The following TIAM1 variants were observed in gnomAD, a reference collection of about 807,000 sequenced individuals.
The protein encoded by TIAM1 is TIAM Rac1 associated GEF 1.
Under a neutral mutation model 163.5 loss-of-function variants are expected in TIAM1, and 65 were observed. The ratio of observed to expected loss-of-function variants is 0.40; its 90% CI spans 0.33 to 0.49. The LOEUF is 0.49. TIAM1 is among the 20% of genes least tolerant of loss of function. The probability of loss-of-function intolerance (pLI) is 0.77; values close to 1 mark genes in which losing one functional copy is unlikely to be tolerated. For missense variants in TIAM1, 1,789 were observed against 2,044.7 expected, an observed-to-expected ratio of 0.87 and a Z score of 2.41; for synonymous variants, 833 against 810.1, an observed-to-expected ratio of 1.03 and a Z score of -0.48.
rs199642595 is a variant in TIAM1, at chr21:31,380,566, TA to T, written c.-368-41145del. 9.7e-3 allele frequency among the ~76,000 whole-genome samples: 1,473 copies of T among 151,896 alleles called. 18 individuals carry two copies. The highest frequency in any genetic ancestry group is 0.034 in the African/African-American group (1,398 of 41,422). On this transcript the variant is annotated intron_variant, in intron 2 of 28. Coordinates refer to the TIAM1 transcript ENST00000286827. ...CTCAAAAAAATAAAGTAATATAATA[TA>T]AAGTAAAGTAAATATAAAAATAAAA...
At chr21:31,218,394 C>G (rs538102191) in intron 8 of TIAM1, among the ~76,000 whole-genome samples, 2 of 152,082 alleles carry the variant, frequency 1.3e-5, no homozygotes, top group African/African-American at 4.8e-5. Context: ...ATGGTGAAAC[C>G]CTGTCTTAAC....
intron 15 of TIAM1, among the ~76,000 whole-genome samples, chr21:31,166,223 T>C (rs765407283): frequency 3.3e-5 from 5 of 152,146 alleles, no homozygotes; most frequent in Non-Finnish European, 5.9e-5. Flanking sequence ...CCTTCTCTAA[T>C]TGAATCTGAG....
intron 1 of TIAM1, among the ~76,000 whole-genome samples, chr21:31,502,584 G>GA (rs1488501695): frequency 6.6e-6 from 1 of 152,108 alleles, no homozygotes; most frequent in African/African-American, 2.4e-5. Context: ...TTTCAGCTAG[G>GA]AAAAAAAGGA....
intron 9 of TIAM1, among the ~76,000 whole-genome samples, chr21:31,217,073 G>A (rs1426493186): frequency 6.6e-6 from 1 of 152,096 alleles, no homozygotes; most frequent in Admixed American, 6.5e-5. Context: ...CAGGCATGGT[G>A]GTGGGCACCT....
intron 2 of TIAM1, among the ~76,000 whole-genome samples, chr21:31,435,124 A>C (rs562922229): frequency 3.3e-5 from 5 of 152,284 alleles, no homozygotes; most frequent in Admixed American, 1.3e-4. Flanking sequence ...GCCACTGGCC[A>C]CACCACCCCT....
At chr21:31,135,655 A>C (rs921914820) in intron 23 of TIAM1, among the ~76,000 whole-genome samples, 2 of 152,042 alleles carry the variant, frequency 1.3e-5, no homozygotes, top group Admixed American at 1.3e-4. Context: ...GCAGCCAAAA[A>C]AAAAAAAATT....
chr21:31,267,832 C>T (rs543679176), intron 3 of TIAM1, among the ~76,000 whole-genome samples: 9 of 152,286 alleles, frequency 5.9e-5, no homozygotes, highest in African/African-American at 1.7e-4. Context: ...TAATCTGGTA[C>T]AGCATGCCCT....
rs200137644 is a variant in TIAM1 at position 31,423,700 on chromosome 21, T to TAAAAA, written c.-369+40278_-369+40282dup. 1.9e-3 allele frequency among the ~76,000 whole-genome samples: 92 copies of TAAAAA among 48,224 alleles called. 2 individuals are homozygous for TAAAAA. The highest frequency in any genetic ancestry group is 5.5e-3 in the African/African-American group (66 of 12,072). The allele number at this position is 48,224 out of a possible 152,430, so 31.6% of individuals were successfully genotyped here. ...GATCATTTGGCATCCTAGAAAGTTG[T>TAAAAA]AAAAAAAAAAAAAAAAAAAAAAAAA... On this transcript the variant is annotated intron_variant, in intron 2 of 28. Transcript: ENST00000286827.
At chr21:31,192,042 T>C (rs2085586927) in intron 13 of TIAM1, among the ~76,000 whole-genome samples, 1 of 152,194 alleles carries the variant, frequency 6.6e-6, no homozygotes, top group Non-Finnish European at 1.5e-5. Context: ...ATTACTGAGG[T>C]CGGCTTTTTG....
chr21:31,376,961 C>T (rs2076697341), intron 2 of TIAM1, among the ~76,000 whole-genome samples: 1 of 151,416 alleles, frequency 6.6e-6, no homozygotes, highest in Admixed American at 6.6e-5. Context: ...CGGGTTCAAG[C>T]AATTCTCCTG....
Position 31,409,375 on chromosome 21 carries a change from C to T in TIAM1, c.-369+54608G>A, listed in dbSNP as rs144165125. ...CACCCGCCTCGGCCTCCCAAAGTGT[C>T]GGGATTACAGGCGTGAGCCACCACA... On this transcript the variant is annotated intron_variant, in intron 2 of 28. Transcript: ENST00000286827. 5.0e-3 allele frequency among the ~76,000 whole-genome samples: 765 copies of T among 152,082 alleles called. 7 individuals are homozygous for T. The highest frequency in any genetic ancestry group is 0.017 in the African/African-American group (722 of 41,474).
intron 6 of TIAM1, among the ~76,000 whole-genome samples, chr21:31,244,435 G>A (rs896590579): frequency 2.0e-5 from 3 of 152,148 alleles, no homozygotes; most frequent in Admixed American, 6.5e-5. Flanking sequence ...TTAAGAAGAC[G>A]AACTGTCAGC....
chr21:31,265,898 G>T, intron 4 of TIAM1, 112 bp downstream of exon 4: 1 of 1,428,242 alleles, frequency 7.0e-7, no homozygotes. Context: ...CAACTACCAG[G>T]CAAACAGGGT....
intron 2 of TIAM1, among the ~76,000 whole-genome samples, chr21:31,313,238 G>A (rs1488749643): frequency 6.6e-6 from 1 of 152,212 alleles, no homozygotes; most frequent in African/African-American, 2.4e-5. Flanking sequence ...TGGAAATTCA[G>A]TATGTTTCTT....
intron 15 of TIAM1, 94 bp downstream of exon 15, chr21:31,182,327 G>C (rs1411719727): frequency 9.6e-7 from 1 of 1,044,754 alleles, no homozygotes. Flanking sequence ...GCCAGACAGA[G>C]GCACTCACTG....
chr21:31,147,050 T>C, intron 19 of TIAM1, 47 bp from the exon 20 acceptor site: 1 of 1,528,132 alleles, frequency 6.5e-7, no homozygotes, highest in Non-Finnish European at 9.1e-7. Flanking sequence ...CTTCCTCCAC[T>C]GGAAATATCA....
At chr21:31,330,579 C>T (rs1393657596) in intron 2 of TIAM1, among the ~76,000 whole-genome samples, 1 of 152,144 alleles carries the variant, frequency 6.6e-6, no homozygotes, top group Non-Finnish European at 1.5e-5. Flanking sequence ...GCTGGGATTA[C>T]AGGCATGCGC....
At chr21:31,490,707 A>G (rs2046436860) in intron 1 of TIAM1, among the ~76,000 whole-genome samples, 1 of 152,238 alleles carries the variant, frequency 6.6e-6, no homozygotes, top group African/African-American at 2.4e-5. Flanking sequence ...GGGGAGTTCC[A>G]GGAAGGATTC....
At chr21:31,382,780 A>G (rs564076399) in intron 2 of TIAM1, among the ~76,000 whole-genome samples, 2 of 152,324 alleles carry the variant, frequency 1.3e-5, no homozygotes, top group South Asian at 2.1e-4. Context: ...AAATTAATGA[A>G]AGCATGTGAT....
Sources: allele counts gnomAD v4.1 joint callset (sites outside exome capture counted in the v4.1 genomes callset), GRCh38; gene constraint gnomAD v4.1.1; transcripts MANE v1.5; gene names NCBI Gene and HGNC (gene_info 2026-07-23, HGNC 2026-07-21).